LIMCH1: variants seen among roughly 807,000 people sequenced by gnomAD.
LIMCH1 encodes LIM and calponin homology domains-containing protein 1.
A neutral mutation model predicts 176.5 loss-of-function variants in LIMCH1; 113 were observed. The observed-to-expected ratio is 0.64, with a 90% CI of 0.55 to 0.75. The LOEUF (loss-of-function observed/expected upper bound fraction) is 0.75, where lower values mean the gene tolerates loss of function less well. Among genes scored for constraint, LIMCH1 ranks in the 30% least tolerant of loss-of-function variants. The pLI is 0.00. For missense variants in LIMCH1, 1,674 were observed against 1,814.9 expected (o/e 0.92, Z 1.41); for synonymous variants, 619 against 645.9 (o/e 0.96, Z 0.63).
chr4:41,611,163 G>T (rs948223183), intron 4 of LIMCH1, among the ~76,000 whole-genome samples: 2 of 152,208 alleles, frequency 1.3e-5, no homozygotes, highest in African/African-American at 2.4e-5. Flanking sequence ...GTTTAGGTAT[G>T]TGTAGATGCA....
At chr4:41,399,954 T>C (rs1229675466) in intron 1 of LIMCH1, among the ~76,000 whole-genome samples, 5 of 151,010 alleles carry the variant, frequency 3.3e-5, no homozygotes, top group Non-Finnish European at 7.4e-5. Context: ...AGTGCTGGGA[T>C]TACAGGCGTG....
intron 1 of LIMCH1, among the ~76,000 whole-genome samples, chr4:41,467,156 TATACACACACACAC>T (rs1392643004): frequency 3.0e-5 from 3 of 100,242 alleles, no homozygotes; most frequent in African/African-American, 5.4e-5. Flanking sequence ...TGTATGTATA[TATACACACACACAC>T]ACACACACAC....
At chr4:41,417,455 A>G (rs1325022360) in intron 1 of LIMCH1, among the ~76,000 whole-genome samples, 2 of 152,164 alleles carry the variant, frequency 1.3e-5, no homozygotes, top group African/African-American at 2.4e-5. Flanking sequence ...AAGCATAGGA[A>G]AAACAACCCT....
rs144392095 is a variant in LIMCH1, at chr4:41,368,037, A to G, written c.96+7101A>G. On this transcript the variant is annotated intron_variant, in intron 1 of 26. Coordinates refer to the LIMCH1 transcript ENST00000313860. The stretch of plus-strand genomic sequence containing the variant: ...AGGAACTGAAGTTATATTTATTGCA[A>G]TGAGTACATAGCTATCTTTTTCTCC... Among the ~76,000 whole-genome samples, 138 of 152,282 alleles carry G rather than the reference A, an allele frequency of 9.1e-4. 2 individuals are homozygous for G. The highest frequency in any genetic ancestry group is 2.9e-3 in the African/African-American group (122 of 41,546).
At chr4:41,687,441 C>T (rs1200687444) in intron 28 of LIMCH1, among the ~76,000 whole-genome samples, 3 of 152,204 alleles carry the variant, frequency 2.0e-5, no homozygotes, top group Non-Finnish European at 4.4e-5. Flanking sequence ...GATCCCTCCT[C>T]ATCTTTCCCC....
intron 17 of LIMCH1, among the ~76,000 whole-genome samples, chr4:41,648,658 G>GGGGT (rs1554153123): frequency 1.2e-3 from 156 of 135,398 alleles, no homozygotes; most frequent in Non-Finnish European, 1.7e-3. Flanking sequence ...AAGGGGTAGG[G>GGGGT]GTGTGTGTGT....
chr4:41,609,782 A>G (rs1415794698), intron 4 of LIMCH1: 3 of 382,450 alleles, frequency 7.8e-6, no homozygotes, highest in African/African-American at 2.1e-5. Flanking sequence ...AAGCAGAGAC[A>G]ATGTTAATTA....
intron 1 of LIMCH1, among the ~76,000 whole-genome samples, chr4:41,441,874 G>C (rs114464187): frequency 6.6e-6 from 1 of 152,112 alleles, no homozygotes; most frequent in South Asian, 2.1e-4. Flanking sequence ...TGCTGTCGTC[G>C]TTTGTTTTTG....
intron 1 of LIMCH1, among the ~76,000 whole-genome samples, chr4:41,568,132 G>A (rs1409236247): frequency 3.9e-5 from 6 of 152,148 alleles, no homozygotes; most frequent in African/African-American, 9.7e-5. Context: ...CAGCCTAGGC[G>A]ACAGAGCGAG....
At chr4:41,661,370 A>G (rs542232874) in intron 18 of LIMCH1, 50 bp from the exon 19 acceptor site, 1 of 1,318,282 alleles carries the variant, frequency 7.6e-7, no homozygotes, top group African/African-American at 1.5e-5. Flanking sequence ...TAATTTTTAG[A>G]ACTTTTAAAG....
Position 41,631,283 on chromosome 4 carries a change from G to A in LIMCH1, c.1407G>A (p.Val469=). ...KKASSPRQKF[V]HFGPVTELDQ... ...CTTCCAGCCCCAGGCAAAAGTTTGTGCACTTTGGGCCAGTGACGGAGCTAG... is the reference window on the plus strand; with the variant it reads ...CTTCCAGCCCCAGGCAAAAGTTTGTACACTTTGGGCCAGTGACGGAGCTAG... Residue 469 remains valine (V), a synonymous_variant, in exon 10 of 32, where the codon GTG becomes GTA. Coordinates refer to ENST00000503057, the MANE Select transcript of LIMCH1 (RefSeq NM_001330672.2). The A allele has an allele frequency of 1.3e-6, 2 of 1,536,092 alleles. No individual in the cohort carries two copies. Among genetic ancestry groups the A allele is most frequent in the Non-Finnish European group, 1.7e-6 (2 of 1,146,912 alleles).
intron 18 of LIMCH1, among the ~76,000 whole-genome samples, chr4:41,655,834 T>G (rs78977830): frequency 0.077 from 11,684 of 152,190 alleles, 544 homozygotes; most frequent in South Asian, 0.14. Flanking sequence ...TGGCCCTTCC[T>G]GCAGCTCTTT....
At chr4:41,538,605 G>C (rs527663548) in intron 1 of LIMCH1, among the ~76,000 whole-genome samples, 2 of 149,194 alleles carry the variant, frequency 1.3e-5, no homozygotes, top group African/African-American at 5.0e-5. Flanking sequence ...TTATTTTCCG[G>C]TATGTGGTAC....
At chr4:41,608,466 TGA>T (rs1168745178) in intron 4 of LIMCH1, among the ~76,000 whole-genome samples, 1 of 152,246 alleles carries the variant, frequency 6.6e-6, no homozygotes, top group Non-Finnish European at 1.5e-5. Flanking sequence ...ATATGCAGGC[TGA>T]AATAAATTTG....
At chr4:41,681,106 T>C in intron 25 of LIMCH1, 47 bp downstream of exon 25, 1 of 1,196,052 alleles carries the variant, frequency 8.4e-7, no homozygotes, top group Non-Finnish European at 1.2e-6. Flanking sequence ...TAAACCTAAA[T>C]GGAAGTACCA....
Position 41,677,752 on chromosome 4 carries a change from T to A in LIMCH1, c.3519+1290T>A, listed in dbSNP as rs146464872. Among the ~76,000 whole-genome samples the A allele has an allele frequency of 2.6e-5, 4 of 152,310 alleles. No individual in the cohort carries two copies. In the East Asian group the frequency reaches 7.7e-4, roughly 29 times the overall value. On this transcript the variant is annotated intron_variant, in intron 23 of 31. Transcript: ENST00000503057. Reference sequence around the variant, plus strand: ...TGCCCAAGGTTACACAACTAATAGGTGTCAAGACCAGATTCAAATCCAAGT... The same window carrying A: ...TGCCCAAGGTTACACAACTAATAGGAGTCAAGACCAGATTCAAATCCAAGT...
At chr4:41,661,056 A>G (rs2094600425) in intron 18 of LIMCH1, among the ~76,000 whole-genome samples, 1 of 152,066 alleles carries the variant, frequency 6.6e-6, no homozygotes, top group South Asian at 2.1e-4. Flanking sequence ...TGTAACCTTT[A>G]AAGAACCACA....
At chr4:41,404,049 A>G (rs2058721752) in intron 1 of LIMCH1, among the ~76,000 whole-genome samples, 1 of 152,236 alleles carries the variant, frequency 6.6e-6, no homozygotes, top group Admixed American at 6.5e-5. Flanking sequence ...ATAATAGTGC[A>G]TGCCAGAGCT....
intron 1 of LIMCH1, among the ~76,000 whole-genome samples, chr4:41,450,798 CAAAAAAAA>C (rs760652470): frequency 3.9e-5 from 2 of 50,662 alleles, no homozygotes; most frequent in African/African-American, 1.3e-4. Context: ...CTCTCTCTCT[CAAAAAAAA>C]AAAAAAAAAA....
Sources: gnomAD v4.1 joint callset for allele counts (sites outside exome capture counted in the v4.1 genomes callset) on GRCh38, gnomAD v4.1.1 for gene constraint, MANE v1.5 for transcripts, NCBI Gene and HGNC (gene_info 2026-07-23, HGNC 2026-07-21) for gene names.